FRMPD3: variants seen among roughly 807,000 people sequenced by gnomAD.
FRMPD3 encodes FERM and PDZ domain containing 3.
A neutral mutation model predicts 97.9 loss-of-function variants in FRMPD3; 42 were observed. The observed-to-expected ratio is 0.43, with a 90% CI of 0.34 to 0.55. The LOEUF is 0.55. Ranked by LOEUF, FRMPD3 falls within the 20% of genes least tolerant of loss-of-function variation. The pLI, the probability that FRMPD3 is intolerant of heterozygous loss-of-function variation, is 0.03. For synonymous variants in FRMPD3, 577 were observed against 581.1 expected, an observed-to-expected ratio of 0.99 and a Z score of 0.10; for missense variants, 1,303 against 1,457.7, an observed-to-expected ratio of 0.89 and a Z score of 1.73.
chrX:107,510,100 G>GA (rs1025663543), intron 1 of FRMPD3, among the ~76,000 whole-genome samples: 3 of 110,153 alleles, frequency 2.7e-5, no homozygotes, highest in African/African-American at 9.9e-5. Context: ...ATTATTGAAA[G>GA]AAAAAAATAA....
chrX:107,557,834 T>TAG (rs1922166016), intron 8 of FRMPD3, among the ~76,000 whole-genome samples: 1 of 80,765 alleles, frequency 1.2e-5, no homozygotes, highest in Admixed American at 1.4e-4. Context: ...TATATATATA[T>TAG]ATATATAGAT....
At chrX:107,526,358 T>C (rs1922695780) in intron 1 of FRMPD3, among the ~76,000 whole-genome samples, 1 of 111,889 alleles carries the variant, frequency 8.9e-6, no homozygotes, top group Non-Finnish European at 1.9e-5. Context: ...GTTTCTTCTA[T>C]TGGCTGTAGC....
chrX:107,576,605 T>G, intron 13 of FRMPD3, 146 bp downstream of exon 13: 1 of 588,085 alleles, frequency 1.7e-6, no homozygotes, highest in Non-Finnish European at 2.6e-6. Flanking sequence ...CACTATATCC[T>G]AGCTGGCACA....
chrX:107,548,718 C>T (rs1456387479), intron 5 of FRMPD3, among the ~76,000 whole-genome samples: 1 of 112,246 alleles, frequency 8.9e-6, no homozygotes, highest in Non-Finnish European at 1.9e-5. Flanking sequence ...GTGGCACATG[C>T]CTGTAGTCGT....
At chrX:107,570,704 T>C (rs759181123) in intron 12 of FRMPD3, among the ~76,000 whole-genome samples, 3 of 111,850 alleles carry the variant, frequency 2.7e-5, no homozygotes, top group African/African-American at 6.5e-5. Context: ...CTTGGGTCTC[T>C]AGACCATCAT....
intron 1 of FRMPD3, among the ~76,000 whole-genome samples, chrX:107,515,315 G>A (rs1035841878): frequency 2.7e-5 from 3 of 111,783 alleles, no homozygotes; most frequent in Non-Finnish European, 1.9e-5. Flanking sequence ...GGCCAGAGAG[G>A]TTGGAGGACA....
intron 1 of FRMPD3, among the ~76,000 whole-genome samples, chrX:107,456,728 G>A (rs771342707): frequency 2.7e-5 from 3 of 112,017 alleles, no homozygotes; most frequent in African/African-American, 9.7e-5. Context: ...CCTTTCAACA[G>A]CCCTCTCTCT....
intron 1 of FRMPD3, among the ~76,000 whole-genome samples, chrX:107,487,105 A>G: frequency 9.3e-6 from 1 of 108,081 alleles, no homozygotes; most frequent in East Asian, 2.9e-4. Flanking sequence ...AAAAAAAAAA[A>G]TAACTGAGCG....
chrX:107,467,747 G>T (rs952420435), intron 1 of FRMPD3, among the ~76,000 whole-genome samples: 2 of 110,669 alleles, frequency 1.8e-5, no homozygotes, highest in African/African-American at 3.3e-5. Context: ...GGTCACTGAG[G>T]CCTGCAGTAT....
At chrX:107,561,806 A>G (rs1228576391) in intron 10 of FRMPD3, among the ~76,000 whole-genome samples, 3 of 112,623 alleles carry the variant, frequency 2.7e-5, no homozygotes, top group Non-Finnish European at 5.6e-5. Context: ...ATATTTAATC[A>G]GATTGTTTTC....
intron 1 of FRMPD3, among the ~76,000 whole-genome samples, chrX:107,524,473 C>T (rs1338034907): frequency 8.9e-6 from 1 of 112,403 alleles, no homozygotes; most frequent in African/African-American, 3.2e-5. Context: ...AGACTCCAAG[C>T]CAGTGTGAGG....
chrX:107,512,119 G>A (rs1488255705), intron 1 of FRMPD3, among the ~76,000 whole-genome samples: 1 of 110,218 alleles, frequency 9.1e-6, no homozygotes. Context: ...ATTGGCCTAA[G>A]TCAGGAAGGT....
intron 1 of FRMPD3, among the ~76,000 whole-genome samples, chrX:107,452,121 ACT>A (rs1233142704): frequency 2.7e-5 from 3 of 111,537 alleles, no homozygotes; most frequent in African/African-American, 9.8e-5. Context: ...CAGAGGAGTG[ACT>A]CTGTTGGTGG....
intron 4 of FRMPD3, among the ~76,000 whole-genome samples, chrX:107,542,572 A>G (rs1921363350): frequency 9.0e-6 from 1 of 111,371 alleles, no homozygotes; most frequent in South Asian, 3.8e-4. Flanking sequence ...TTCCTGCTGG[A>G]CTCAGGTGAA....
chrX:107,524,995 CA>C (rs750900204), intron 1 of FRMPD3, among the ~76,000 whole-genome samples: 630 of 13,649 alleles, frequency 0.046, 3 homozygotes, highest in African/African-American at 0.069. Context: ...GACTCCATCT[CA>C]AAAAAAAAAA....
chrX:107,531,111 T>TACACACACAC (rs35430860), intron 3 of FRMPD3, among the ~76,000 whole-genome samples: 3 of 93,598 alleles, frequency 3.2e-5, no homozygotes, highest in African/African-American at 1.2e-4. Flanking sequence ...CTGTGCACAT[T>TACACACACAC]ACACACACAC....
chrX:107,506,357 G>A (rs1428456908), intron 1 of FRMPD3, among the ~76,000 whole-genome samples: 1 of 112,248 alleles, frequency 8.9e-6, no homozygotes, highest in Non-Finnish European at 1.9e-5. Context: ...TAGGGACACA[G>A]GTATTCAAAT....
chrX:107,458,887 T>TCCAAAAG (rs1474072158), intron 1 of FRMPD3, among the ~76,000 whole-genome samples: 11 of 111,060 alleles, frequency 9.9e-5, no homozygotes, highest in Non-Finnish European at 2.1e-4. Flanking sequence ...GAGGGTCAAA[T>TCCAAAAG]CCAAAAGGCT....
At chrX:107,450,899 C>A (rs745869205) in intron 1 of FRMPD3, among the ~76,000 whole-genome samples, 1 of 105,766 alleles carries the variant, frequency 9.5e-6, no homozygotes, top group Non-Finnish European at 1.9e-5. Flanking sequence ...CCCCGTCACA[C>A]GCAGCTACTG....
Sources: gnomAD v4.1 joint callset for allele counts (sites outside exome capture counted in the v4.1 genomes callset) on GRCh38, gnomAD v4.1.1 for gene constraint, MANE v1.5 for transcripts, NCBI Gene and HGNC (gene_info 2026-07-23, HGNC 2026-07-21) for gene names.